Variants in GRAMD1B observed in about 807,000 individuals in gnomAD.
The protein encoded by GRAMD1B is protein Aster-B.
Under a neutral mutation model 99.7 loss-of-function variants are expected in GRAMD1B, and 37 were observed. The ratio of observed to expected loss-of-function variants is 0.37; its 90% CI spans 0.29 to 0.49. The LOEUF is 0.49. GRAMD1B is among the 20% of genes least tolerant of loss of function. The probability of loss-of-function intolerance (pLI) is 0.98; values close to 1 mark genes in which losing one functional copy is unlikely to be tolerated. For missense variants in GRAMD1B, 888 were observed against 1,009.2 expected (o/e 0.88, Z 1.63); for synonymous variants, 427 against 387.6 (o/e 1.10, Z -1.19).
Position 123,592,262 on chromosome 11 carries a change from G to A in GRAMD1B, c.685-1820G>A, listed in dbSNP as rs74386788. Among the ~76,000 whole-genome samples, 626 of 152,252 alleles carry A rather than the reference G, an allele frequency of 4.1e-3. 10 individuals are homozygous for A. Among genetic ancestry groups the A allele is most frequent in the East Asian group, 0.035 (179 of 5,162 alleles). On this transcript the variant is annotated intron_variant, in intron 4 of 19. Coordinates refer to ENST00000635736, the MANE Select transcript of GRAMD1B (RefSeq NM_001387025.1). ...TCTCAAGGGAGTGTGCTCTTTTGGG[G>A]AAGCCCTTCTGCTTCCTCTTGGCAG... is the stretch of plus-strand genomic sequence containing the variant.
intron 2 of GRAMD1B, among the ~76,000 whole-genome samples, chr11:123,495,114 T>TACACACACACACACAC (rs10695354): frequency 1.6e-3 from 236 of 148,634 alleles, no homozygotes; most frequent in African/African-American, 5.7e-3. Flanking sequence ...TATATATACA[T>TACACACACACACACAC]ACACACACAC....
chr11:123,619,922 A>G (rs1429448245), intron 19 of GRAMD1B, among the ~76,000 whole-genome samples: 1 of 152,156 alleles, frequency 6.6e-6, no homozygotes, highest in African/African-American at 2.4e-5. Flanking sequence ...TAGACTCAGG[A>G]TTTATCCTGC....
intron 7 of GRAMD1B, among the ~76,000 whole-genome samples, chr11:123,596,699 TTTG>T (rs936702372): frequency 1.6e-4 from 25 of 152,306 alleles, no homozygotes; most frequent in African/African-American, 5.1e-4. Flanking sequence ...TTGACCTATA[TTTG>T]TTGTTGTTGT....
chr11:123,460,799 G>T (rs370382719), intron 1 of GRAMD1B, among the ~76,000 whole-genome samples: 2 of 152,224 alleles, frequency 1.3e-5, no homozygotes, highest in East Asian at 3.9e-4. Context: ...CTTGAGCTCC[G>T]AGGTCACTAG....
intron 2 of GRAMD1B, among the ~76,000 whole-genome samples, chr11:123,540,744 A>G (rs1409297788): frequency 6.6e-6 from 1 of 152,116 alleles, no homozygotes; most frequent in Non-Finnish European, 1.5e-5. Context: ...TTCTATATAT[A>G]TTATAGATAG....
chr11:123,361,474 T>C (rs1946145080), intron 1 of GRAMD1B, among the ~76,000 whole-genome samples: 1 of 152,166 alleles, frequency 6.6e-6, no homozygotes, highest in Non-Finnish European at 1.5e-5. Context: ...CTGCACTTCA[T>C]ACTCTTACTT....
At chr11:123,462,520 C>CA (rs1276061392) in intron 1 of GRAMD1B, among the ~76,000 whole-genome samples, 1 of 152,224 alleles carries the variant, frequency 6.6e-6, no homozygotes, top group Non-Finnish European at 1.5e-5. Flanking sequence ...AGCCCAAGCT[C>CA]AGAGTCCCTT....
intron 2 of GRAMD1B, 150 bp from the exon 3 acceptor site, chr11:123,577,217 T>G (rs951931906): frequency 1.2e-5 from 8 of 688,600 alleles, no homozygotes; most frequent in African/African-American, 1.1e-4. Flanking sequence ...AGCCGCAGCC[T>G]GGGCCCCTCT....
At chr11:123,398,068 A>G (rs1428417585) in intron 1 of GRAMD1B, among the ~76,000 whole-genome samples, 2 of 152,214 alleles carry the variant, frequency 1.3e-5, no homozygotes, top group African/African-American at 4.8e-5. Flanking sequence ...CTTTGCATAG[A>G]CATGAATTTG....
chr11:123,436,046 G>A (rs1949146995), intron 1 of GRAMD1B, among the ~76,000 whole-genome samples: 1 of 147,406 alleles, frequency 6.8e-6, no homozygotes, highest in Admixed American at 7.0e-5. Context: ...GGGTTCAAGT[G>A]ATTCTCCTGC....
At chr11:123,406,527 C>T (rs1947862955) in intron 1 of GRAMD1B, among the ~76,000 whole-genome samples, 1 of 152,206 alleles carries the variant, frequency 6.6e-6, no homozygotes, top group South Asian at 2.1e-4. Flanking sequence ...GCTGGGATTA[C>T]AGGTGTGAGC....
At chr11:123,466,736 T>C (rs920730159) in intron 1 of GRAMD1B, among the ~76,000 whole-genome samples, 3 of 152,186 alleles carry the variant, frequency 2.0e-5, no homozygotes, top group African/African-American at 7.2e-5. Flanking sequence ...GTCCAGGGTT[T>C]TGACCAATTC....
intron 1 of GRAMD1B, among the ~76,000 whole-genome samples, chr11:123,376,017 C>T (rs1370865637): frequency 1.3e-5 from 2 of 152,024 alleles, no homozygotes; most frequent in Non-Finnish European, 2.9e-5. Context: ...TGGTCAGCAG[C>T]CTCTTCTCTT....
intron 2 of GRAMD1B, among the ~76,000 whole-genome samples, chr11:123,561,678 TTGCTAGCACACTG>T (rs1367353192): frequency 2.6e-5 from 4 of 152,240 alleles, no homozygotes; most frequent in Non-Finnish European, 4.4e-5. Context: ...TCTCTGGTAC[TTGCTAGCACACTG>T]TGCTCCGGGG....
chr11:123,597,212 C>T (rs1565438144), intron 7 of GRAMD1B, among the ~76,000 whole-genome samples: 1 of 149,422 alleles, frequency 6.7e-6, no homozygotes, highest in Non-Finnish European at 1.5e-5. Flanking sequence ...ATCCTCTAGC[C>T]TCAGCCTCCT....
At chr11:123,613,396 A>G (rs1194141611) in intron 15 of GRAMD1B, 59 bp from the exon 16 acceptor site, 2 of 1,222,946 alleles carry the variant, frequency 1.6e-6, no homozygotes, top group Admixed American at 4.1e-5. Flanking sequence ...ATGGTTCTGC[A>G]GAGAGTTGCA....
intron 2 of GRAMD1B, among the ~76,000 whole-genome samples, chr11:123,497,382 A>C (rs1386397444): frequency 6.6e-6 from 1 of 152,178 alleles, no homozygotes; most frequent in East Asian, 1.9e-4. Context: ...CCAGCACACT[A>C]TTGAGTCTCA....
At chr11:123,359,683 G>A (rs1415043953) in intron 1 of GRAMD1B, among the ~76,000 whole-genome samples, 1 of 152,128 alleles carries the variant, frequency 6.6e-6, no homozygotes, top group African/African-American at 2.4e-5. Context: ...TTGAAGAGGG[G>A]TAGGGTGGGA....
intron 8 of GRAMD1B, among the ~76,000 whole-genome samples, chr11:123,601,261 G>GA (rs1179997988): frequency 1.3e-5 from 2 of 152,060 alleles, no homozygotes; most frequent in Admixed American, 1.3e-4. Context: ...CAGCCACCAC[G>GA]AATTGACTAG....
Sources: allele counts gnomAD v4.1 joint callset (sites outside exome capture counted in the v4.1 genomes callset), GRCh38; gene constraint gnomAD v4.1.1; transcripts MANE v1.5; gene names NCBI Gene and HGNC (gene_info 2026-07-23, HGNC 2026-07-21).